Variants in CACNA1A observed in about 807,000 individuals in gnomAD.
The protein encoded by CACNA1A is voltage-dependent P/Q-type calcium channel subunit alpha-1A.
CACNA1A carries 57 observed loss-of-function variants against 262.4 expected under a neutral mutation model. The observed-to-expected ratio is 0.22, with a 90% confidence interval of 0.18 to 0.27. The LOEUF (loss-of-function observed/expected upper bound fraction) is 0.27. Among genes scored for constraint, CACNA1A ranks in the 10% least tolerant of loss-of-function variants. The pLI, the probability that CACNA1A is intolerant of heterozygous loss-of-function variation, is 1.00. For synonymous variants in CACNA1A, 1,431 were observed against 1,419.3 expected (o/e 1.01, Z -0.18); for missense variants, 2,526 against 3,562.8 (o/e 0.71, Z 7.41).
At chr19:13,246,905 C>T (rs1406650848) in intron 30 of CACNA1A, among the ~76,000 whole-genome samples, 3 of 152,182 alleles carry the variant, frequency 2.0e-5, no homozygotes, top group African/African-American at 4.8e-5. Context: ...GGATTACAGG[C>T]GTGAGCCACC....
rs1266642291 is a variant in CACNA1A at position 13,214,241 on chromosome 19, C to T, written c.5932G>A (p.Glu1978Lys). ...SKAKKLQAMR[E>K]EQDRTPLMFQ... is the part of the protein sequence containing the mutation. ...AGCGGCGAACAGCGCACCTGCTCCT[C>T]GCGCATGGCCTGCAGCTTCTTGGCC... The change falls in exon 40 of 47, where the codon GAG becomes AAG. Residue 1978 changes from glutamate to lysine, a missense_variant. By Grantham distance (56) the Glu-to-Lys change is moderately conservative. Coordinates refer to ENST00000360228, the MANE Select transcript of CACNA1A (RefSeq NM_001127222.2). The surrounding 1 kb of genome is among the most constrained non-coding windows in gnomAD (Gnocchi z 4.1). 2.3e-5 allele frequency: 37 copies of T among 1,608,558 alleles called. No individual in the cohort carries two copies. The highest frequency in any genetic ancestry group is 3.1e-5 in the Non-Finnish European group (36 of 1,179,404).
chr19:13,497,588 G>A (rs1599380922), intron 1 of CACNA1A, among the ~76,000 whole-genome samples: 1 of 86,002 alleles, frequency 1.2e-5, no homozygotes, highest in Non-Finnish European at 2.1e-5. Flanking sequence ...ATAAATTTAT[G>A]TTGTTAAAGC....
chr19:13,456,628 CG>C (rs2061014445), intron 1 of CACNA1A, among the ~76,000 whole-genome samples: 2 of 152,046 alleles, frequency 1.3e-5, no homozygotes, highest in Non-Finnish European at 2.9e-5. Context: ...GAGCCAAGAT[CG>C]TGCCACTGCA....
At chr19:13,398,403 A>T (rs1313007713) in intron 3 of CACNA1A, among the ~76,000 whole-genome samples, 2 of 152,240 alleles carry the variant, frequency 1.3e-5, no homozygotes, top group African/African-American at 4.8e-5. Context: ...GGAACTTATA[A>T]ACAGTAACTA....
chr19:13,387,126 A>G (rs2144633163), intron 3 of CACNA1A, among the ~76,000 whole-genome samples: 1 of 151,950 alleles, frequency 6.6e-6, no homozygotes, highest in East Asian at 2.0e-4. Context: ...TAATTTTTGT[A>G]TTTTTAGTAG....
intron 2 of CACNA1A, 130 bp from the exon 3 acceptor site, chr19:13,453,145 C>T: frequency 1.2e-6 from 1 of 859,756 alleles, no homozygotes; most frequent in Non-Finnish European, 1.8e-6. Context: ...ACTCACCACC[C>T]CTCACTGCCT....
intron 3 of CACNA1A, among the ~76,000 whole-genome samples, chr19:13,379,665 C>T (rs2059481359): frequency 2.0e-5 from 3 of 152,300 alleles, no homozygotes; most frequent in African/African-American, 4.8e-5. Flanking sequence ...GTGGCTCACA[C>T]CTGTAATCCC....
intron 3 of CACNA1A, among the ~76,000 whole-genome samples, chr19:13,397,389 G>A (rs146023339): frequency 7.3e-4 from 111 of 152,310 alleles, no homozygotes; most frequent in African/African-American, 2.4e-3. Flanking sequence ...GTGGGTGGAA[G>A]AACTCAGGAG....
At chr19:13,318,443 C>T (rs2058174524) in intron 10 of CACNA1A, among the ~76,000 whole-genome samples, 1 of 152,014 alleles carries the variant, frequency 6.6e-6, no homozygotes, top group Non-Finnish European at 1.5e-5. Flanking sequence ...AGGACTTTGG[C>T]TTTTACCCTG....
chr19:13,351,471 A>G (rs938556937), intron 6 of CACNA1A, among the ~76,000 whole-genome samples: 1 of 152,084 alleles, frequency 6.6e-6, no homozygotes, highest in Non-Finnish European at 1.5e-5. Flanking sequence ...CCTCCCAAGT[A>G]GCTGGAACTA....
intron 2 of CACNA1A, among the ~76,000 whole-genome samples, chr19:13,453,770 C>T (rs1862263): frequency 0.2 from 30,814 of 152,018 alleles, 3,827 homozygotes; most frequent in African/African-American, 0.34. Context: ...GTTACAGCAA[C>T]GTTTCTCGAG....
At chr19:13,489,364 T>C (rs1476797888) in intron 1 of CACNA1A, among the ~76,000 whole-genome samples, 1 of 152,050 alleles carries the variant, frequency 6.6e-6, no homozygotes, top group Non-Finnish European at 1.5e-5. Flanking sequence ...CTACCTTATT[T>C]GGCAGCATAG....
Position 13,214,915 on chromosome 19 carries a change from G to A in CACNA1A, c.5732-307C>T, listed in dbSNP as rs1226086927. 1 of 414,042 alleles carries A rather than the reference G, an allele frequency of 2.4e-6. No homozygotes were observed. The highest frequency in any genetic ancestry group is 2.0e-5 in the African/African-American group (1 of 50,036). 25.6% of individuals were successfully genotyped at this position (414,042 alleles called of 1,614,324 possible). A position where few individuals can be genotyped will look rare whatever the true frequency, so the allele number is the denominator to read the frequency against. On this transcript the variant is annotated intron_variant, in intron 38 of 46. Transcript: ENST00000360228. The surrounding 1 kb of genome is among the most constrained non-coding windows in gnomAD (Gnocchi z 4.1). ...CCCAGTTATCGGCTGCATGACTTAG[G>A]TTACTCTACCACTTAGTAACTCAGT...
In CACNA1A at chr19:13,236,447, A is replaced by AC. The variant is rs1400008925; in HGVS notation, c.4951-718dup. 6.6e-6 allele frequency: 1 copy of AC among 152,640 alleles called. No individual in the cohort carries two copies. Among genetic ancestry groups the AC allele is most frequent in the Non-Finnish European group, 1.5e-5 (1 of 68,290 alleles). 9.5% of individuals were successfully genotyped at this position (152,640 alleles called of 1,614,324 possible). A position where few individuals can be genotyped will look rare whatever the true frequency, so the allele number is the denominator to read the frequency against. On this transcript the variant is annotated intron_variant, in intron 31 of 46. Transcript: ENST00000360228. This position sits in a 1 kb window ranked among gnomAD's most constrained non-coding sequence, Gnocchi z 4.6. The stretch of plus-strand genomic sequence containing the variant: ...GAGAAGCGGAAGAGCATCTTTTCTT[A>AC]CCCCCTTGGCGAGCGGGAATGGGGA...
At position 13,389,373 on chromosome 19, in the gene CACNA1A, C is replaced by T. The variant is rs116242778; in HGVS notation, c.540-17594G>A. Among the ~76,000 whole-genome samples, 644 of 152,186 alleles carry T rather than the reference C, an allele frequency of 4.2e-3. 4 individuals carry two copies. The highest frequency in any genetic ancestry group is 0.014 in the African/African-American group (601 of 41,528). ...CTTATATAGATGGTGCTGGAGTAAG[C>T]ATTCTCGTACCTGCCCCTAACAGAC... On this transcript the variant is annotated intron_variant, in intron 3 of 46. Coordinates refer to ENST00000360228, the MANE Select transcript of CACNA1A (RefSeq NM_001127222.2).
intron 2 of CACNA1A, 75 bp downstream of exon 2, chr19:13,455,032 G>T: frequency 1.2e-6 from 1 of 831,748 alleles, no homozygotes; most frequent in Non-Finnish European, 2.1e-6. Flanking sequence ...CCTCCTCTGT[G>T]CCCTGCTCCA....
At chr19:13,301,555 AGAG>A (rs1327542775) in intron 17 of CACNA1A, among the ~76,000 whole-genome samples, 1 of 152,352 alleles carries the variant, frequency 6.6e-6, no homozygotes, top group East Asian at 1.9e-4. Context: ...TTAGGTTCAG[AGAG>A]GAGGAGAATG....
intron 30 of CACNA1A, among the ~76,000 whole-genome samples, chr19:13,250,349 C>A (rs1393620310): frequency 6.6e-6 from 1 of 151,862 alleles, no homozygotes; most frequent in Non-Finnish European, 1.5e-5. Flanking sequence ...TGTGAGCCAT[C>A]ACACTCAGCC....
chr19:13,465,870 A>G (rs1050357275), intron 1 of CACNA1A, among the ~76,000 whole-genome samples: 3 of 152,208 alleles, frequency 2.0e-5, no homozygotes, highest in Middle Eastern at 3.2e-3. Context: ...TATCTGAGGA[A>G]GGCATATCAC....
Sources: allele counts gnomAD v4.1 joint callset (sites outside exome capture counted in the v4.1 genomes callset), GRCh38; gene constraint gnomAD v4.1.1; non-coding constraint Gnocchi (gnomAD v3.1); transcripts MANE v1.5; gene names NCBI Gene and HGNC (gene_info 2026-07-23, HGNC 2026-07-21).